NDST3: variants seen among roughly 807,000 people sequenced by gnomAD.
NDST3 encodes bifunctional heparan sulfate N-deacetylase/N-sulfotransferase 3.
NDST3 carries 58 observed loss-of-function variants against 96.1 expected under a neutral mutation model. That is an observed-to-expected ratio of 0.60 (90% CI 0.49 to 0.75). NDST3 has a LOEUF of 0.75. Ranked by LOEUF, NDST3 falls within the 30% of genes least tolerant of loss-of-function variation. The probability of loss-of-function intolerance (pLI) is 0.00; values close to 1 mark genes in which losing one functional copy is unlikely to be tolerated. For missense variants in NDST3, 788 were observed against 1,034.2 expected (o/e 0.76, Z 3.27); for synonymous variants, 333 against 359.7 (o/e 0.93, Z 0.84).
At chr4:118,242,285 G>T in intron 12 of NDST3, 136 bp downstream of exon 12, 1 of 469,726 alleles carries the variant, frequency 2.1e-6, no homozygotes, top group Non-Finnish European at 3.8e-6. Flanking sequence ...ATTAACCACG[G>T]AAAAAAAAAA....
intron 2 of NDST3, among the ~76,000 whole-genome samples, chr4:118,071,869 C>G (rs1280620932): frequency 6.6e-6 from 1 of 152,092 alleles, no homozygotes; most frequent in Non-Finnish European, 1.5e-5. Context: ...TTCACATTCC[C>G]ACTAGCACTG....
intron 4 of NDST3, among the ~76,000 whole-genome samples, chr4:118,135,969 T>C (rs1733053411): frequency 6.6e-6 from 1 of 152,208 alleles, no homozygotes; most frequent in African/African-American, 2.4e-5. Context: ...GGTTGCCAAA[T>C]ATTTTTAAAT....
chr4:118,059,597 G>A (rs1725731183), intron 2 of NDST3, among the ~76,000 whole-genome samples: 1 of 152,072 alleles, frequency 6.6e-6, no homozygotes. Flanking sequence ...TAATTGGAAT[G>A]TAAAGGTGCG....
At position 118,233,131 on chromosome 4, in the gene NDST3, G is replaced by C; in HGVS notation, c.1939G>C (p.Asp647His). The change falls in exon 9 of 14, where the codon GAT becomes CAT. Residue 647 changes from aspartate (D) to histidine (H), a missense_variant. Physicochemically the swap from Asp to His is moderately conservative, Grantham distance 81 (BLOSUM62 -1). This residue lies in a region of NDST3 where 490 missense variants were observed against 708.8 expected (regional missense o/e 0.69). Transcript: ENST00000296499. ...TAGAAATAACTACCACAGGGGGATT[G>C]ATTGGTAAGATGGGTTATTAGTATA... Reference protein sequence around the residue: ...FNRNNYHRGIDWYMDFFPVPS... With the variant: ...FNRNNYHRGIHWYMDFFPVPS... 6.2e-7 allele frequency: 1 copy of C among 1,611,450 alleles called. No homozygotes were observed. The highest frequency in any genetic ancestry group is 2.2e-5 in the East Asian group (1 of 44,786).
chr4:118,105,679 C>T (rs1027036654), intron 3 of NDST3, among the ~76,000 whole-genome samples: 5 of 152,108 alleles, frequency 3.3e-5, no homozygotes, highest in Admixed American at 2.6e-4. Flanking sequence ...TCTGAACATA[C>T]AAAATTTACT....
At chr4:118,185,230 T>C (rs1225673056) in intron 6 of NDST3, among the ~76,000 whole-genome samples, 1 of 152,046 alleles carries the variant, frequency 6.6e-6, no homozygotes. Flanking sequence ...TTATTTAATA[T>C]GGAAGAAAGC....
chr4:118,151,179 C>A (rs1734367619), intron 6 of NDST3, among the ~76,000 whole-genome samples: 1 of 151,938 alleles, frequency 6.6e-6, no homozygotes, highest in Non-Finnish European at 1.5e-5. Flanking sequence ...TAGGTGGGAA[C>A]TGAACAATGA....
At chr4:118,102,625 T>G (rs991212074) in intron 2 of NDST3, among the ~76,000 whole-genome samples, 36 of 152,128 alleles carry the variant, frequency 2.4e-4, no homozygotes, top group Non-Finnish European at 4.4e-5. Context: ...ATGAAGGGTT[T>G]AGTGAAAAGG....
intron 6 of NDST3, among the ~76,000 whole-genome samples, chr4:118,160,040 G>A (rs1734986289): frequency 6.6e-6 from 1 of 152,098 alleles, no homozygotes; most frequent in South Asian, 2.1e-4. Flanking sequence ...TACGGAAAAG[G>A]AAGTAGAGAT....
intron 6 of NDST3, among the ~76,000 whole-genome samples, chr4:118,202,984 T>G (rs182070280): frequency 5.9e-5 from 9 of 152,326 alleles, no homozygotes; most frequent in Admixed American, 5.2e-4. Context: ...TGAAGTATGT[T>G]CCTTCATTGC....
At chr4:118,102,679 G>T (rs1392960476) in intron 2 of NDST3, among the ~76,000 whole-genome samples, 1 of 151,994 alleles carries the variant, frequency 6.6e-6, no homozygotes, top group Non-Finnish European at 1.5e-5. Flanking sequence ...TTTTTACAAG[G>T]GTTAGGCCAG....
chr4:118,042,882 GTCTCTC>G (rs879323794), intron 1 of NDST3, among the ~76,000 whole-genome samples: 1 of 151,126 alleles, frequency 6.6e-6, no homozygotes, highest in Non-Finnish European at 1.5e-5. Context: ...CTTTCTCTCT[GTCTCTC>G]TCTCTCTCTT....
At chr4:118,110,382 G>A (rs927683059) in intron 3 of NDST3, among the ~76,000 whole-genome samples, 9 of 152,128 alleles carry the variant, frequency 5.9e-5, no homozygotes, top group Non-Finnish European at 1.2e-4. Flanking sequence ...TTCAATTCAG[G>A]CTCTGTCTCA....
intron 6 of NDST3, among the ~76,000 whole-genome samples, chr4:118,155,743 T>C (rs1734673047): frequency 6.6e-6 from 1 of 152,162 alleles, no homozygotes. Flanking sequence ...TCCAAGAACC[T>C]ACCAATAACA....
intron 2 of NDST3, among the ~76,000 whole-genome samples, chr4:118,076,872 T>G (rs1037636755): frequency 2.0e-5 from 3 of 152,176 alleles, no homozygotes; most frequent in Non-Finnish European, 4.4e-5. Flanking sequence ...GGGCACTGGT[T>G]TTTTGAGTTA....
Position 118,135,862 on chromosome 4 carries a change from G to GT in NDST3, c.1225-2191dup, listed in dbSNP as rs199880050. Among the ~76,000 whole-genome samples the GT allele has an allele frequency of 9.5e-3, 1,449 of 152,284 alleles. 62 individuals are homozygous for GT. The East Asian group carries it at 0.13, about 13-fold the overall frequency. On this transcript the variant is annotated intron_variant, in intron 4 of 13. Coordinates refer to ENST00000296499, the MANE Select transcript of NDST3 (RefSeq NM_004784.3). The stretch of plus-strand genomic sequence containing the variant: ...CCACTGTACACCAGCCTGGGAAACA[G>GT]TGAGATCCCGTCTCAATAAATTAAC...
chr4:118,071,448 CCTT>C (rs1727066747), intron 2 of NDST3, among the ~76,000 whole-genome samples: 1 of 152,108 alleles, frequency 6.6e-6, no homozygotes, highest in South Asian at 2.1e-4. Context: ...TTGTCTATTG[CCTT>C]CTTCTTTGCT....
chr4:118,145,893 T>C (rs80350386), intron 6 of NDST3, among the ~76,000 whole-genome samples: 6,940 of 152,230 alleles, frequency 0.046, 266 homozygotes, highest in African/African-American at 0.11. Context: ...ACACCAACTC[T>C]AATACTGGAA....
chr4:118,244,793 G>A (rs956205789), intron 12 of NDST3, among the ~76,000 whole-genome samples: 24 of 152,194 alleles, frequency 1.6e-4, no homozygotes, highest in African/African-American at 5.5e-4. Context: ...TAAAGAAAGC[G>A]TTCAAGACTT....
Sources: gnomAD v4.1 joint callset for allele counts (sites outside exome capture counted in the v4.1 genomes callset) on GRCh38, gnomAD v4.1.1 for gene constraint, gnomAD v4.1.1 regional missense constraint, MANE v1.5 for transcripts, NCBI Gene and HGNC (gene_info 2026-07-23, HGNC 2026-07-21) for gene names.